The following LUZP2 variants were observed in gnomAD, a reference collection of about 807,000 sequenced individuals.
LUZP2 encodes the protein leucine zipper protein 2.
LUZP2 carries 52 observed loss-of-function variants against 51.6 expected under a neutral mutation model. The ratio of observed to expected loss-of-function variants is 1.01; its 90% confidence interval spans 0.81 to 1.27. The LOEUF is 1.27. Ranked by LOEUF, LUZP2 falls within the 50% of genes most tolerant of loss-of-function variation. The pLI is 0.00. For missense variants in LUZP2, 436 were observed against 395.4 expected (o/e 1.10, Z -0.87); for synonymous variants, 154 against 137.3 (o/e 1.12, Z -0.85).
At chr11:24,715,209 T>G (rs569082099) in intron 1 of LUZP2, among the ~76,000 whole-genome samples, 1 of 151,994 alleles carries the variant, frequency 6.6e-6, no homozygotes, top group African/African-American at 2.4e-5. Context: ...CTAGTCATTT[T>G]ATATAAGGCA....
At chr11:24,952,361 C>T (rs1383117506) in intron 7 of LUZP2, among the ~76,000 whole-genome samples, 8 of 151,508 alleles carry the variant, frequency 5.3e-5, no homozygotes, top group African/African-American at 1.9e-4. Context: ...AACAAAAGTT[C>T]CCTACTTTGG....
At chr11:24,751,856 T>C (rs1034398685) in intron 4 of LUZP2, among the ~76,000 whole-genome samples, 29 of 152,058 alleles carry the variant, frequency 1.9e-4, no homozygotes, top group Non-Finnish European at 1.0e-4. Context: ...GTTAAGCATG[T>C]TAAATATACC....
chr11:24,834,452 C>A (rs962581556), intron 5 of LUZP2, among the ~76,000 whole-genome samples: 1 of 152,168 alleles, frequency 6.6e-6, no homozygotes, highest in Admixed American at 6.5e-5. Context: ...GCATAGTATT[C>A]CATGGTGTAT....
intron 1 of LUZP2, among the ~76,000 whole-genome samples, chr11:24,715,164 G>GAA (rs113212913): frequency 6.6e-6 from 1 of 151,142 alleles, no homozygotes; most frequent in African/African-American, 2.4e-5. Flanking sequence ...GTAAATGTTT[G>GAA]AAAAAAAGAC....
At chr11:24,504,998 G>T (rs1850106344) in intron 1 of LUZP2, among the ~76,000 whole-genome samples, 1 of 152,082 alleles carries the variant, frequency 6.6e-6, no homozygotes, top group African/African-American at 2.4e-5. Context: ...TCATCTTCAG[G>T]TTCCTCTTTT....
At chr11:24,760,938 A>G (rs548366558) in intron 4 of LUZP2, among the ~76,000 whole-genome samples, 9 of 152,310 alleles carry the variant, frequency 5.9e-5, no homozygotes, top group African/African-American at 2.2e-4. Context: ...ATAATACCTT[A>G]TGACATCCTT....
At chr11:24,960,297 A>G (rs1029206935) in intron 7 of LUZP2, among the ~76,000 whole-genome samples, 35 of 152,000 alleles carry the variant, frequency 2.3e-4, no homozygotes, top group Admixed American at 1.4e-3. Flanking sequence ...CTCTTTTTCT[A>G]TTGAGTGGAA....
rs11499761 is a variant in LUZP2 at position 24,959,750 on chromosome 11, A to T, written c.523-16841A>T. ...TAATTGAATACCCTTTATTTCCTTCACCTGCCTAATTGCCCTGGCCAGAAC... is the reference window on the plus strand; with the variant it reads ...TAATTGAATACCCTTTATTTCCTTCTCCTGCCTAATTGCCCTGGCCAGAAC... On this transcript the variant is annotated intron_variant, in intron 7 of 11. Transcript: ENST00000336930. 7.5e-3 allele frequency among the ~76,000 whole-genome samples: 1,147 copies of T among 152,008 alleles called. 12 individuals are homozygous for T. The highest frequency in any genetic ancestry group is 0.025 in the African/African-American group (1,040 of 41,476).
intron 9 of LUZP2, among the ~76,000 whole-genome samples, chr11:24,984,202 C>T (rs2133916303): frequency 6.6e-6 from 1 of 151,618 alleles, no homozygotes; most frequent in South Asian, 2.1e-4. Context: ...TGCAGAAAAA[C>T]TTAAGAACCA....
intron 5 of LUZP2, among the ~76,000 whole-genome samples, chr11:24,841,210 G>A (rs1851021105): frequency 6.6e-6 from 1 of 151,940 alleles, no homozygotes; most frequent in Non-Finnish European, 1.5e-5. Flanking sequence ...GGTGGAATTA[G>A]TGCCCTTATA....
rs759533362 is a variant in LUZP2, at chr11:24,914,543, GTCTCTTTTC to G, written c.522+15_522+23del. 1 of 1,592,004 alleles carries G rather than the reference GTCTCTTTTC, an allele frequency of 6.3e-7. No homozygotes were observed. The highest frequency in any genetic ancestry group is 1.1e-5 in the South Asian group (1 of 87,274). ...AAGAAGGATTTATTATTTAAGGTGA[GTCTCTTTTC>G]TCTCTTTTCCCTGAAACTTGCTAGC... On this transcript the variant is annotated splice_donor_region_variant and intron_variant, in intron 7 of 11. Coordinates refer to ENST00000336930, the MANE Select transcript of LUZP2 (RefSeq NM_001009909.4).
intron 5 of LUZP2, among the ~76,000 whole-genome samples, chr11:24,830,260 A>G (rs1850660162): frequency 7.7e-6 from 1 of 129,986 alleles, no homozygotes; most frequent in Non-Finnish European, 1.7e-5. Context: ...TTCAGGTCTC[A>G]TGTCAGTTGC....
At chr11:24,975,557 A>G (rs951267963) in intron 7 of LUZP2, among the ~76,000 whole-genome samples, 1 of 152,088 alleles carries the variant, frequency 6.6e-6, no homozygotes, top group African/African-American at 2.4e-5. Context: ...AAATGGAACA[A>G]TAATGGAATA....
At chr11:24,911,652 C>A (rs1853641390) in intron 6 of LUZP2, among the ~76,000 whole-genome samples, 1 of 152,146 alleles carries the variant, frequency 6.6e-6, no homozygotes, top group South Asian at 2.1e-4. Flanking sequence ...AGCTTCTTTC[C>A]TTTATAAATT....
intron 7 of LUZP2, among the ~76,000 whole-genome samples, chr11:24,949,058 T>C (rs1367013961): frequency 6.6e-6 from 1 of 151,502 alleles, no homozygotes; most frequent in Non-Finnish European, 1.5e-5. Flanking sequence ...CAAAACTCAG[T>C]GCTGTATTTC....
chr11:24,847,376 A>G (rs1160789809), intron 5 of LUZP2, among the ~76,000 whole-genome samples: 1 of 151,920 alleles, frequency 6.6e-6, no homozygotes, highest in East Asian at 1.9e-4. Context: ...TCAATCTTTT[A>G]TGATCTTCAT....
intron 9 of LUZP2, among the ~76,000 whole-genome samples, chr11:24,991,400 A>G (rs200468437): frequency 0.072 from 9,196 of 127,850 alleles, 806 homozygotes; most frequent in African/African-American, 0.28. Flanking sequence ...GTGTGTGTAT[A>G]TATATATATA....
chr11:24,824,392 A>AAAAAAAAAAAAAC (rs1289196555), intron 5 of LUZP2, among the ~76,000 whole-genome samples: 1 of 149,062 alleles, frequency 6.7e-6, no homozygotes, highest in African/African-American at 2.5e-5. Flanking sequence ...AAAAAAAAAA[A>AAAAAAAAAAAAAC]ATGAGTGGTA....
At position 24,663,121 on chromosome 11, in the gene LUZP2, A is replaced by G. The variant is rs571328515; in HGVS notation, c.63-66048A>G. The stretch of plus-strand genomic sequence containing the variant: ...TAAGCATATATTTATGATATTAGTA[A>G]TTATATTTTATAGGTAATAGATATG... On this transcript the variant is annotated intron_variant, in intron 1 of 11. Transcript: ENST00000336930. 2.2e-4 allele frequency among the ~76,000 whole-genome samples: 33 copies of G among 152,238 alleles called. No homozygotes were observed. In the South Asian group the frequency reaches 6.4e-3, roughly 30 times the overall value.
Sources: gnomAD v4.1 joint callset for allele counts (sites outside exome capture counted in the v4.1 genomes callset) on GRCh38, gnomAD v4.1.1 for gene constraint, MANE v1.5 for transcripts, NCBI Gene and HGNC (gene_info 2026-07-23, HGNC 2026-07-21) for gene names.